Variants in KIF26B observed in about 807,000 individuals in gnomAD.
KIF26B encodes the protein kinesin-like protein KIF26B.
KIF26B carries 63 observed loss-of-function variants against 151.2 expected under a neutral mutation model. The ratio of observed to expected loss-of-function variants is 0.42; its 90% CI spans 0.34 to 0.51. The LOEUF (loss-of-function observed/expected upper bound fraction) is 0.51. KIF26B is among the 20% of genes least tolerant of loss of function. The pLI is 0.07. For synonymous variants in KIF26B, 1,357 were observed against 1,262.1 expected (o/e 1.08, Z -1.59); for missense variants, 2,813 against 2,913.6 (o/e 0.97, Z 0.79).
intron 4 of KIF26B, among the ~76,000 whole-genome samples, chr1:245,445,405 A>G (rs1392797934): frequency 6.6e-6 from 1 of 152,224 alleles, no homozygotes. Context: ...ATAGACTAAA[A>G]TACTGGCAGA....
chr1:245,351,541 T>C (rs1672569955), intron 2 of KIF26B, among the ~76,000 whole-genome samples: 1 of 151,978 alleles, frequency 6.6e-6, no homozygotes, highest in Non-Finnish European at 1.5e-5. Flanking sequence ...GTTATGTTTA[T>C]AGAGCTCTTC....
chr1:245,620,923 A>G lies in KIF26B; in HGVS notation c.2098+8947A>G, dbSNP rs979765057. 4.4e-4 allele frequency among the ~76,000 whole-genome samples: 67 copies of G among 152,308 alleles called. 1 individual carries two copies. The highest frequency in any genetic ancestry group is 4.3e-4 in the Non-Finnish European group (29 of 68,026). ...AGCAAAAGTGCACAAACTAGACCAC[A>G]GCCTCCACTAACCACGAGCCCTCAG... On this transcript the variant is annotated intron_variant, in intron 9 of 14. Transcript: ENST00000407071.
intron 4 of KIF26B, among the ~76,000 whole-genome samples, chr1:245,522,349 A>G (rs1399719471): frequency 9.1e-6 from 1 of 110,446 alleles, no homozygotes; most frequent in Admixed American, 9.1e-5. Context: ...AGCTTAACAC[A>G]GCATTTTGTT....
intron 5 of KIF26B, among the ~76,000 whole-genome samples, chr1:245,565,200 C>T (rs1234771683): frequency 1.3e-5 from 2 of 152,032 alleles, no homozygotes; most frequent in East Asian, 1.9e-4. Flanking sequence ...TATTTTATAG[C>T]GCTGTCAGGA....
chr1:245,639,205 TTA>T (rs1156725825), intron 9 of KIF26B, among the ~76,000 whole-genome samples: 1 of 151,846 alleles, frequency 6.6e-6, no homozygotes, highest in Non-Finnish European at 1.5e-5. Context: ...TTTTGGTAGG[TTA>T]TATGTTTCCA....
intron 4 of KIF26B, among the ~76,000 whole-genome samples, chr1:245,517,128 G>A (rs1006918779): frequency 2.0e-5 from 3 of 152,304 alleles, no homozygotes; most frequent in Admixed American, 6.5e-5. Context: ...CCGCCAAGGC[G>A]GGCAGATCAC....
chr1:245,232,379 G>T (rs536146156), intron 2 of KIF26B, among the ~76,000 whole-genome samples: 1 of 152,208 alleles, frequency 6.6e-6, no homozygotes, highest in Non-Finnish European at 1.5e-5. Context: ...AGGCACCCGA[G>T]TAGATTTAGG....
intron 10 of KIF26B, among the ~76,000 whole-genome samples, chr1:245,675,522 C>T (rs1362499076): frequency 3.3e-5 from 5 of 152,160 alleles, no homozygotes; most frequent in African/African-American, 4.8e-5. Context: ...GAAAAGGCCA[C>T]ATCTATCTTT....
In KIF26B at chr1:245,560,143, G is replaced by C. The variant is rs2042930318; in HGVS notation, c.1350+19193G>C. Among the ~76,000 whole-genome samples, 1 of 152,114 alleles carries C rather than the reference G, an allele frequency of 6.6e-6. No individual in the cohort carries two copies. Among genetic ancestry groups the C allele is most frequent in the African/African-American group, 2.4e-5 (1 of 41,420 alleles). On this transcript the variant is annotated intron_variant, in intron 5 of 14. Coordinates refer to ENST00000407071, the MANE Select transcript of KIF26B (RefSeq NM_018012.4). The surrounding 1 kb of genome is among the most constrained non-coding windows in gnomAD (Gnocchi z 4.3). ...CACTGTGCCTGTGTCCCCTACTCCA[G>C]ACCGTGAGTTGTGGATGAAAGGGGC...
chr1:245,156,729 G>A (rs1453765552), intron 2 of KIF26B, 46 bp downstream of exon 2: 1 of 1,274,032 alleles, frequency 7.8e-7, no homozygotes, highest in Non-Finnish European at 1.0e-6. Context: ...GGAGGGCGGG[G>A]CCGGGCCGCC....
intron 5 of KIF26B, among the ~76,000 whole-genome samples, chr1:245,574,312 T>C (rs2043095230): frequency 6.6e-6 from 1 of 151,866 alleles, no homozygotes. Context: ...CCAGGCTAAT[T>C]TTTGTATTTT....
At chr1:245,200,809 G>A (rs760152685) in intron 2 of KIF26B, among the ~76,000 whole-genome samples, 1 of 152,152 alleles carries the variant, frequency 6.6e-6, no homozygotes, top group Admixed American at 6.5e-5. Context: ...CTGATTGAGG[G>A]TATAGGGTTT....
At position 245,688,258 on chromosome 1, in the gene KIF26B, T is replaced by C; in HGVS notation, c.5275T>C (p.Ser1759Pro). 6.3e-7 allele frequency: 1 copy of C among 1,594,198 alleles called. No individual in the cohort carries two copies. Among genetic ancestry groups the C allele is most frequent in the Middle Eastern group, 1.7e-4 (1 of 6,044 alleles). The change falls in exon 12 of 15, where the codon TCC becomes CCC. Residue 1759 changes from serine (S) to proline (P), a missense_variant. By Grantham distance (74) the Ser-to-Pro change is moderately conservative. Coordinates refer to ENST00000407071, the MANE Select transcript of KIF26B (RefSeq NM_018012.4). ...SASTTKTLSF[S>P]TKSLPQAVGQ... is the part of the protein sequence containing the mutation. Reference sequence around the variant, plus strand: ...CTCCACCACCAAAACCCTCAGCTTCTCCACCAAGTCCCTGCCGCAGGCGGT... The same window carrying C: ...CTCCACCACCAAAACCCTCAGCTTCCCCACCAAGTCCCTGCCGCAGGCGGT...
chr1:245,476,875 A>T lies in KIF26B; in HGVS notation c.1166+57130A>T, dbSNP rs369031382. Among the ~76,000 whole-genome samples, 8 of 151,912 alleles carry T rather than the reference A, an allele frequency of 5.3e-5. 1 individual carries two copies. In the South Asian group the frequency reaches 1.7e-3, roughly 32 times the overall value. On this transcript the variant is annotated intron_variant, in intron 4 of 14. Coordinates refer to ENST00000407071, the MANE Select transcript of KIF26B (RefSeq NM_018012.4). ...AGAAGTAAATAAACAGCCAGGGTGT[A>T]AACAATACATGCACCCCCATAGTTC...
intron 3 of KIF26B, among the ~76,000 whole-genome samples, chr1:245,403,978 G>A (rs1343604605): frequency 6.6e-6 from 1 of 152,140 alleles, no homozygotes; most frequent in African/African-American, 2.4e-5. Flanking sequence ...TCTTTTTGGA[G>A]ATGGCCTGAT....
intron 6 of KIF26B, among the ~76,000 whole-genome samples, chr1:245,605,803 G>A (rs1018291365): frequency 1.3e-5 from 2 of 152,116 alleles, no homozygotes; most frequent in African/African-American, 4.8e-5. Context: ...AGCCGGGTGG[G>A]AACTGTGCCA....
chr1:245,374,771 G>T (rs1409886009), intron 3 of KIF26B, among the ~76,000 whole-genome samples: 1 of 152,182 alleles, frequency 6.6e-6, no homozygotes, highest in African/African-American at 2.4e-5. Context: ...ATGGAAAAAA[G>T]AATCAATTTG....
At chr1:245,527,586 C>T (rs1431701703) in intron 4 of KIF26B, among the ~76,000 whole-genome samples, 18 of 117,268 alleles carry the variant, frequency 1.5e-4, no homozygotes, top group Admixed American at 3.5e-4. Context: ...CAGGCTGGAG[C>T]GCAGTGGCGT....
At chr1:245,567,352 C>T (rs1207633224) in intron 5 of KIF26B, among the ~76,000 whole-genome samples, 1 of 152,194 alleles carries the variant, frequency 6.6e-6, no homozygotes, top group East Asian at 1.9e-4. Context: ...CTTATTCAGA[C>T]ACCCTTTCAG....
Sources: gnomAD v4.1 joint callset for allele counts (sites outside exome capture counted in the v4.1 genomes callset) on GRCh38, gnomAD v4.1.1 for gene constraint, Gnocchi (gnomAD v3.1) non-coding constraint, MANE v1.5 for transcripts, NCBI Gene and HGNC (gene_info 2026-07-23, HGNC 2026-07-21) for gene names.